Variants in ANKRD28 observed in about 807,000 individuals in gnomAD.
ANKRD28 encodes the protein ankyrin repeat domain 28, also known as serine/threonine-protein phosphatase 6 regulatory ankyrin repeat subunit A.
In ANKRD28, 44 loss-of-function variants were observed where a neutral mutation model predicts 126.5. The ratio of observed to expected loss-of-function variants is 0.35; its 90% confidence interval spans 0.27 to 0.45. The LOEUF (loss-of-function observed/expected upper bound fraction) is 0.45. Ranked by LOEUF, ANKRD28 falls within the 20% of genes least tolerant of loss-of-function variation. The pLI is 1.00. For missense variants in ANKRD28, 1,110 were observed against 1,316.6 expected (o/e 0.84, Z 2.43); for synonymous variants, 442 against 468.5 (o/e 0.94, Z 0.73).
At chr3:15,743,439 G>T (rs1286501658) in intron 4 of ANKRD28, among the ~76,000 whole-genome samples, 2 of 152,138 alleles carry the variant, frequency 1.3e-5, no homozygotes, top group Non-Finnish European at 2.9e-5. Flanking sequence ...AATATCTCAT[G>T]TGATAATGGA....
rs2061502046 is a variant in ANKRD28, at chr3:15,845,065, T to A, written c.27+14312A>T. Among the ~76,000 whole-genome samples, 2 of 152,084 alleles carry A rather than the reference T, an allele frequency of 1.3e-5. No homozygotes were observed. Among genetic ancestry groups the A allele is most frequent in the East Asian group, 3.9e-4 (2 of 5,172 alleles). ...TGCTAGGCACTTTTAAACAACCAGA[T>A]CTCACGAGAATGTAGAACAGTACCA... On this transcript the variant is annotated intron_variant, in intron 1 of 27. Transcript: ENST00000399451. The surrounding 1 kb of genome is among the most constrained non-coding windows in gnomAD (Gnocchi z 4.9).
At position 15,797,209 on chromosome 3, in the gene ANKRD28, C is replaced by G; in HGVS notation, c.-688G>C. On this transcript the variant is annotated 5_prime_UTR_variant, in exon 1 of 28. Transcript: ENST00000683139. The stretch of plus-strand genomic sequence containing the variant: ...TTGGGAAAGGGGCAAAAAACAAAAA[C>G]AAAAAAAAAAAAACCACTCTGCATT... 1 of 900,418 alleles carries G rather than the reference C, an allele frequency of 1.1e-6. No individual in the cohort carries two copies. Among genetic ancestry groups the G allele is most frequent in the South Asian group, 5.1e-5 (1 of 19,448 alleles). The allele number at this position is 900,418 out of a possible 1,614,324, so 55.8% of individuals were successfully genotyped here.
chr3:15,670,024 C>T lies in ANKRD28; in HGVS notation c.*246G>A. The T allele has an allele frequency of 2.2e-6, 1 of 450,998 alleles. No individual in the cohort carries two copies. Among genetic ancestry groups the T allele is most frequent in the Non-Finnish European group, 4.0e-6 (1 of 252,582 alleles). 27.9% of individuals were successfully genotyped at this position (450,998 alleles called of 1,614,324 possible). A position where few individuals can be genotyped will look rare whatever the true frequency, so the allele number is the denominator to read the frequency against. On this transcript the variant is annotated 3_prime_UTR_variant, in exon 28 of 28. Transcript: ENST00000683139. ...CCTGGCACTGCAAAACCAAATTAAA[C>T]AATTCCACAAAGAATTCTGACATCA...
intron 1 of ANKRD28, among the ~76,000 whole-genome samples, chr3:15,805,404 T>C (rs575863154): frequency 3.3e-5 from 5 of 152,298 alleles, no homozygotes; most frequent in Non-Finnish European, 5.9e-5. Context: ...TTTTTTAAAG[T>C]TGTGATACTT....
intron 1 of ANKRD28, among the ~76,000 whole-genome samples, chr3:15,805,378 T>C (rs1381543392): frequency 1.3e-5 from 2 of 152,268 alleles, no homozygotes; most frequent in East Asian, 3.9e-4. Context: ...AAAGGACTCA[T>C]CATTTTAGAG....
chr3:15,810,182 CA>C (rs533738534), intron 1 of ANKRD28, among the ~76,000 whole-genome samples: 2 of 151,526 alleles, frequency 1.3e-5, no homozygotes, highest in Non-Finnish European at 2.9e-5. Flanking sequence ...ATACTAAAGG[CA>C]GAGAAAACAG....
rs1365438983 is a variant in ANKRD28 at position 15,840,886 on chromosome 3, A to G, written c.27+18491T>C. Reference sequence around the variant, plus strand: ...CCGGGTGTGGTGGCTCACGCCTGTAATCCCAGCACTTTGGGAGGCCGAGGT... The same window carrying G: ...CCGGGTGTGGTGGCTCACGCCTGTAGTCCCAGCACTTTGGGAGGCCGAGGT... On this transcript the variant is annotated intron_variant, in intron 1 of 27. Transcript: ENST00000399451. Among the ~76,000 whole-genome samples the G allele has an allele frequency of 3.9e-5, 6 of 152,358 alleles. No individual in the cohort carries two copies. The East Asian group carries it at 1.2e-3, about 29-fold the overall frequency.
At chr3:15,856,989 T>C (rs2061786274) in intron 1 of ANKRD28, among the ~76,000 whole-genome samples, 2 of 152,256 alleles carry the variant, frequency 1.3e-5, no homozygotes, top group African/African-American at 4.8e-5. Context: ...GAAGTCTGTA[T>C]GTCCTTACCC....
At chr3:15,745,420 T>G (rs1359439382) in intron 4 of ANKRD28, among the ~76,000 whole-genome samples, 2 of 152,242 alleles carry the variant, frequency 1.3e-5, no homozygotes, top group Non-Finnish European at 2.9e-5. Flanking sequence ...TACAGTTTCC[T>G]TCTTCTAATG....
intron 1 of ANKRD28, among the ~76,000 whole-genome samples, chr3:15,823,368 C>T (rs1248045813): frequency 6.6e-6 from 1 of 152,112 alleles, no homozygotes; most frequent in African/African-American, 2.4e-5. Context: ...GCCTGGCAGT[C>T]GCGGACCCCT....
chr3:15,779,064 T>A (rs1004316917), intron 2 of ANKRD28, among the ~76,000 whole-genome samples: 10 of 152,200 alleles, frequency 6.6e-5, no homozygotes, highest in Non-Finnish European at 7.4e-5. Flanking sequence ...ACCTCTTTTT[T>A]AATAAATTAC....
At position 15,710,446 on chromosome 3, in the gene ANKRD28, C is replaced by T. The variant is rs140957319; in HGVS notation, c.1338-710G>A. Among the ~76,000 whole-genome samples, 618 of 152,240 alleles carry T rather than the reference C, an allele frequency of 4.1e-3. 2 individuals are homozygous for T. The highest frequency in any genetic ancestry group is 0.023 in the East Asian group (118 of 5,186). The stretch of plus-strand genomic sequence containing the variant: ...TTTAACTGGAAGGTTCTCTGGCGAC[C>T]TTGGAAGAACAAGAAAACCAGTCAC... On this transcript the variant is annotated intron_variant, in intron 12 of 27. Coordinates refer to ENST00000683139, the MANE Select transcript of ANKRD28 (RefSeq NM_001349278.2).
chr3:15,734,147 G>T (rs2074851175), intron 6 of ANKRD28, among the ~76,000 whole-genome samples: 1 of 152,178 alleles, frequency 6.6e-6, no homozygotes, highest in Non-Finnish European at 1.5e-5. Context: ...GTACATAGGG[G>T]TTCCCCATGG....
At chr3:15,823,212 C>T (rs187972863) in intron 1 of ANKRD28, among the ~76,000 whole-genome samples, 2 of 152,132 alleles carry the variant, frequency 1.3e-5, no homozygotes, top group Non-Finnish European at 2.9e-5. Flanking sequence ...AGATCTCTTG[C>T]ATGCACAGTT....
rs564310644 is a variant in ANKRD28, at chr3:15,699,670, A to C, written c.1548-3425T>G. Reference sequence around the variant, plus strand: ...CACTGGTCATCAGAGAAATGCAAATAAAAACCACAATGAGACACTATCTCA... The same window carrying C: ...CACTGGTCATCAGAGAAATGCAAATCAAAACCACAATGAGACACTATCTCA... On this transcript the variant is annotated intron_variant, in intron 14 of 27. Transcript: ENST00000683139. Among the ~76,000 whole-genome samples the C allele has an allele frequency of 1.2e-3, 182 of 152,328 alleles. 1 individual carries two copies. Among genetic ancestry groups the C allele is most frequent in the Admixed American group, 6.1e-3 (93 of 15,296 alleles).
chr3:15,689,926 TAA>T, intron 18 of ANKRD28, 91 bp downstream of exon 18: 1 of 1,230,246 alleles, frequency 8.1e-7, no homozygotes, highest in East Asian at 2.6e-5. Context: ...GTCAAAATTT[TAA>T]AGACAATTAA....
At chr3:15,825,615 C>A (rs1354204005) in intron 1 of ANKRD28, among the ~76,000 whole-genome samples, 5 of 152,024 alleles carry the variant, frequency 3.3e-5, no homozygotes, top group Non-Finnish European at 7.4e-5. Context: ...GGGGGAAAAA[C>A]CCATAAAAGA....
intron 6 of ANKRD28, among the ~76,000 whole-genome samples, chr3:15,728,258 C>CT (rs1193536814): frequency 6.6e-6 from 1 of 151,982 alleles, no homozygotes; most frequent in East Asian, 1.9e-4. Context: ...CTATTGCACA[C>CT]TTAATAGACT....
intron 2 of ANKRD28, among the ~76,000 whole-genome samples, chr3:15,767,329 TACTC>T (rs139971266): frequency 0.042 from 6,456 of 152,240 alleles, 469 homozygotes; most frequent in African/African-American, 0.15. Context: ...TATTCAGAAA[TACTC>T]ACATTGAAAC....
Sources: allele counts gnomAD v4.1 joint callset (sites outside exome capture counted in the v4.1 genomes callset), GRCh38; gene constraint gnomAD v4.1.1; non-coding constraint Gnocchi (gnomAD v3.1); transcripts MANE v1.5; gene names NCBI Gene and HGNC (gene_info 2026-07-23, HGNC 2026-07-21).